CELF4: variants seen among roughly 807,000 people sequenced by gnomAD.
CELF4 encodes CUGBP Elav-like family member 4, also known as CUG-BP- and ETR-3-like factor 4.
Under a neutral mutation model 59.9 loss-of-function variants are expected in CELF4, and 18 were observed. The ratio of observed to expected loss-of-function variants is 0.30; its 90% CI spans 0.21 to 0.45. The LOEUF (loss-of-function observed/expected upper bound fraction) is 0.45. Ranked by LOEUF, CELF4 falls within the 20% of genes least tolerant of loss-of-function variation. The pLI, the probability that CELF4 is intolerant of heterozygous loss-of-function variation, is 1.00. For missense variants in CELF4, 456 were observed against 689.0 expected (o/e 0.66, Z 3.79); for synonymous variants, 261 against 267.1 (o/e 0.98, Z 0.22).
chr18:37,515,929 C>T (rs535343081), intron 1 of CELF4, among the ~76,000 whole-genome samples: 1 of 152,098 alleles, frequency 6.6e-6, no homozygotes, highest in Non-Finnish European at 1.5e-5. Flanking sequence ...CAGGACTTGC[C>T]TTCTTCATTG....
chr18:37,540,660 G>A (rs2154605433), intron 1 of CELF4, among the ~76,000 whole-genome samples: 1 of 152,330 alleles, frequency 6.6e-6, no homozygotes, highest in South Asian at 2.1e-4. Flanking sequence ...CCCCTGGACA[G>A]CAGTTCCCGC....
In CELF4 at chr18:37,243,583, T is replaced by C. The variant is rs2060996339; in HGVS notation, c.*1659A>G. On this transcript the variant is annotated 3_prime_UTR_variant, in exon 13 of 13. Transcript: ENST00000420428. Reference sequence around the variant, plus strand: ...TAAATATCGTGCTTTCATTAAATAGTTTTCCTTGTTTTTTTCTCTATCATT... The same window carrying C: ...TAAATATCGTGCTTTCATTAAATAGCTTTCCTTGTTTTTTTCTCTATCATT... 6.6e-6 allele frequency: 1 copy of C among 152,224 alleles called. No homozygotes were observed. The highest frequency in any genetic ancestry group is 6.5e-5 in the Admixed American group (1 of 15,282). The allele number at this position is 152,224 out of a possible 1,614,324, so 9.4% of individuals were successfully genotyped here.
At chr18:37,373,707 A>G (rs2098931115) in intron 2 of CELF4, among the ~76,000 whole-genome samples, 1 of 152,172 alleles carries the variant, frequency 6.6e-6, no homozygotes, top group African/African-American at 2.4e-5. Context: ...TTCAGACTCT[A>G]ACAGTGGGAG....
At chr18:37,386,006 A>G (rs1322773253) in intron 2 of CELF4, among the ~76,000 whole-genome samples, 2 of 152,252 alleles carry the variant, frequency 1.3e-5, no homozygotes, top group Non-Finnish European at 1.5e-5. Context: ...CAAATAAACT[A>G]AACTTGCAAT....
chr18:37,355,063 A>T lies in CELF4; in HGVS notation c.370-33182T>A, dbSNP rs141116345. Reference sequence around the variant, plus strand: ...TGCATGTGTGTATATGTGTACACGCATGTGCATTTGTGTTCCTGTGCCTGC... The same window carrying T: ...TGCATGTGTGTATATGTGTACACGCTTGTGCATTTGTGTTCCTGTGCCTGC... On this transcript the variant is annotated intron_variant, in intron 2 of 12. Transcript: ENST00000420428. Among the ~76,000 whole-genome samples the T allele has an allele frequency of 3.5e-3, 528 of 152,306 alleles. 5 individuals carry two copies. Among genetic ancestry groups the T allele is most frequent in the African/African-American group, 0.012 (480 of 41,566 alleles).
At chr18:37,377,930 G>C (rs2098989848) in intron 2 of CELF4, among the ~76,000 whole-genome samples, 1 of 152,154 alleles carries the variant, frequency 6.6e-6, no homozygotes, top group South Asian at 2.1e-4. Context: ...GAGCCACAGA[G>C]GAGGCAACAG....
intron 2 of CELF4, among the ~76,000 whole-genome samples, chr18:37,350,905 G>A (rs1435403896): frequency 6.6e-6 from 1 of 152,164 alleles, no homozygotes; most frequent in Non-Finnish European, 1.5e-5. Context: ...TGGGGAGCAG[G>A]CCTGGAGCTC....
At chr18:37,358,686 G>T (rs1409911173) in intron 2 of CELF4, among the ~76,000 whole-genome samples, 1 of 152,214 alleles carries the variant, frequency 6.6e-6, no homozygotes, top group Non-Finnish European at 1.5e-5. Context: ...GGATGCAGGC[G>T]CATGCATGAA....
chr18:37,348,530 A>G (rs1159352475), intron 2 of CELF4, among the ~76,000 whole-genome samples: 1 of 152,046 alleles, frequency 6.6e-6, no homozygotes, highest in African/African-American at 2.4e-5. Context: ...CTCAAGTGGG[A>G]TCTTCCATTT....
intron 10 of CELF4, among the ~76,000 whole-genome samples, chr18:37,262,499 G>A (rs1377198074): frequency 6.6e-6 from 1 of 152,216 alleles, no homozygotes; most frequent in African/African-American, 2.4e-5. Context: ...TGTAGGGTGG[G>A]AGAGGGGCAG....
At chr18:37,414,022 C>T (rs537052472) in intron 2 of CELF4, among the ~76,000 whole-genome samples, 8 of 152,224 alleles carry the variant, frequency 5.3e-5, no homozygotes, top group Admixed American at 2.0e-4. Context: ...TGATCACCAT[C>T]ATCCTGTTCT....
intron 12 of CELF4, among the ~76,000 whole-genome samples, chr18:37,247,742 GCATCCATC>G (rs1209805242): frequency 6.6e-6 from 1 of 152,038 alleles, no homozygotes; most frequent in Non-Finnish European, 1.5e-5. Flanking sequence ...GCCACTAAGG[GCATCCATC>G]ATGCGTTGGG....
chr18:37,375,783 C>G (rs980812752), intron 2 of CELF4, among the ~76,000 whole-genome samples: 1 of 152,126 alleles, frequency 6.6e-6, no homozygotes, highest in Non-Finnish European at 1.5e-5. Context: ...TCCTTTAGGG[C>G]TACAGCCAAC....
intron 2 of CELF4, among the ~76,000 whole-genome samples, chr18:37,455,878 T>C (rs1433547613): frequency 1.3e-5 from 2 of 152,154 alleles, no homozygotes; most frequent in Non-Finnish European, 2.9e-5. Flanking sequence ...GCCTCCATCC[T>C]AGAATCTCGC....
At chr18:37,264,618 C>T in intron 10 of CELF4, 56 bp downstream of exon 10, 2 of 1,452,596 alleles carry the variant, frequency 1.4e-6, no homozygotes, top group Non-Finnish European at 1.9e-6. Flanking sequence ...AGGTGAGCAG[C>T]CTCTTTGGGG....
chr18:37,439,685 C>T (rs539924790), intron 2 of CELF4, among the ~76,000 whole-genome samples: 10 of 152,154 alleles, frequency 6.6e-5, no homozygotes, highest in Non-Finnish European at 1.2e-4. Flanking sequence ...TCCTGTCCCC[C>T]CATATCCCTG....
intron 3 of CELF4, among the ~76,000 whole-genome samples, chr18:37,308,878 A>G (rs913583362): frequency 3.3e-5 from 5 of 152,156 alleles, no homozygotes; most frequent in Non-Finnish European, 7.3e-5. Context: ...CTGGGCATAC[A>G]TGGAGTTTCT....
chr18:37,473,430 A>G (rs534388186), intron 2 of CELF4: 1 of 152,318 alleles, frequency 6.6e-6, no homozygotes, highest in South Asian at 2.1e-4. Context: ...ATTCTTCAAT[A>G]TTTAAGCCAC....
rs1332486400 is a variant in CELF4 at position 37,254,479 on chromosome 18, C to G, written c.1334-541G>C. On this transcript the variant is annotated intron_variant, in intron 11 of 12. Coordinates refer to ENST00000420428, the MANE Select transcript of CELF4 (RefSeq NM_020180.4). This position sits in a 1 kb window ranked among gnomAD's most constrained non-coding sequence, Gnocchi z 5.1. ...GCCGCCCCCCTCGCCACCGCAGGTG[C>G]CCGGCTGTCGGAGGAGGCCCAGAGG... 6.6e-6 allele frequency among the ~76,000 whole-genome samples: 1 copy of G among 151,926 alleles called. No homozygotes were observed.
Sources: gnomAD v4.1 joint callset for allele counts (sites outside exome capture counted in the v4.1 genomes callset) on GRCh38, gnomAD v4.1.1 for gene constraint, Gnocchi (gnomAD v3.1) non-coding constraint, MANE v1.5 for transcripts, NCBI Gene and HGNC (gene_info 2026-07-23, HGNC 2026-07-21) for gene names.